Variants in RDH10 observed in about 807,000 individuals in gnomAD.
RDH10 encodes retinol dehydrogenase 10 (all-trans).
Under a neutral mutation model 30.2 loss-of-function variants are expected in RDH10, and 12 were observed. The ratio of observed to expected loss-of-function variants is 0.40; its 90% CI spans 0.25 to 0.64. The LOEUF (loss-of-function observed/expected upper bound fraction) is 0.64. RDH10 is among the 30% of genes least tolerant of loss of function. RDH10 has a pLI of 0.43. For synonymous variants in RDH10, 189 were observed against 172.2 expected, an observed-to-expected ratio of 1.10 and a Z score of -0.76; for missense variants, 268 against 445.2, an observed-to-expected ratio of 0.60 and a Z score of 3.58.
chr8:73,297,125 C>T (rs1227556350), intron 1 of RDH10, 69 bp from the exon 2 acceptor site: 1 of 879,974 alleles, frequency 1.1e-6, no homozygotes, highest in East Asian at 2.5e-5. Context: ...TACTGATCGC[C>T]ATGTGACTCA....
chr8:73,295,657 C>G, intron 1 of RDH10, 79 bp downstream of exon 1: 1 of 1,333,386 alleles, frequency 7.5e-7, no homozygotes, highest in Non-Finnish European at 9.9e-7. Flanking sequence ...GCCCCAAACC[C>G]CGCTGCCTGG....
chr8:73,295,105 G>GC lies in RDH10; in HGVS notation c.-181dup, dbSNP rs1586184498. 1.4e-5 allele frequency: 6 copies of GC among 414,836 alleles called. No individual in the cohort carries two copies. In the East Asian group the frequency reaches 2.5e-4, roughly 17 times the overall value. The allele number at this position is 414,836 out of a possible 1,614,324, so 25.7% of individuals were successfully genotyped here. ...ACAGCGCCGAGCCCGGGCGGGAGTGGCCCCGCGCAGGCAGGGAGCGGCGCC... is the reference window on the plus strand; with the variant it reads ...ACAGCGCCGAGCCCGGGCGGGAGTGGCCCCCGCGCAGGCAGGGAGCGGCGCC... On this transcript the variant is annotated 5_prime_UTR_variant, in exon 1 of 6. Transcript: ENST00000240285.
At chr8:73,306,533 G>A (rs1341125473) in intron 2 of RDH10, among the ~76,000 whole-genome samples, 1 of 152,240 alleles carries the variant, frequency 6.6e-6, no homozygotes, top group African/African-American at 2.4e-5. Context: ...TTTCAACACT[G>A]CAGCAAATGC....
At chr8:73,309,519 C>T (rs994429403) in intron 2 of RDH10, among the ~76,000 whole-genome samples, 15 of 151,366 alleles carry the variant, frequency 9.9e-5, no homozygotes, top group Middle Eastern at 3.5e-3. Flanking sequence ...TATTGTCCTT[C>T]AAAGGTACTT....
intron 2 of RDH10, among the ~76,000 whole-genome samples, chr8:73,317,852 C>T (rs369855977): frequency 6.6e-6 from 1 of 151,782 alleles, no homozygotes; most frequent in African/African-American, 2.4e-5. Flanking sequence ...CCCAGGAGTT[C>T]GAGGCTGCAG....
intron 1 of RDH10, 42 bp downstream of exon 1, chr8:73,295,620 T>C: frequency 6.9e-7 from 1 of 1,439,814 alleles, no homozygotes; most frequent in Non-Finnish European, 9.1e-7. Context: ...GTCAAGCCTC[T>C]TTCCACCCCG....
At chr8:73,300,643 G>T (rs908677160) in intron 2 of RDH10, among the ~76,000 whole-genome samples, 2 of 152,220 alleles carry the variant, frequency 1.3e-5, no homozygotes, top group South Asian at 2.1e-4. Flanking sequence ...CTGACTCAGA[G>T]CAAAAGTGAG....
chr8:73,299,061 G>A (rs773116552), intron 2 of RDH10, among the ~76,000 whole-genome samples: 9 of 152,174 alleles, frequency 5.9e-5, no homozygotes, highest in Non-Finnish European at 1.0e-4. Flanking sequence ...TGATCCGCCC[G>A]CCTCAGTGTC....
chr8:73,295,343 C>A lies in RDH10; in HGVS notation c.54C>A (p.Phe18Leu). Residue 18 changes from phenylalanine to leucine, a missense_variant, in exon 1 of 6, where the codon TTC (phenylalanine) becomes TTA (leucine). Physicochemically the swap from Phe to Leu is conservative, Grantham distance 22. This residue lies in a region of RDH10 where 44 missense variants were observed against 42.1 expected (regional missense o/e 1.04). Transcript: ENST00000240285. ...TCACTTTCAAAGTGCTCTGGGCGTT[C>A]GTGCTGGCCGCGGCGCGCTGGCTGG... ...FVVTFKVLWA[F>L]VLAAARWLVR... is the part of the protein sequence containing the mutation. The A allele has an allele frequency of 6.4e-7, 1 of 1,563,028 alleles. No individual in the cohort carries two copies. Among genetic ancestry groups the A allele is most frequent in the Non-Finnish European group, 8.7e-7 (1 of 1,155,344 alleles).
intron 2 of RDH10, among the ~76,000 whole-genome samples, chr8:73,301,500 G>T (rs1451661436): frequency 2.6e-5 from 4 of 151,726 alleles, no homozygotes. Context: ...GCTCACACCT[G>T]TAATCCCAGC....
rs1464724173 is a variant in RDH10 at position 73,321,987 on chromosome 8, T to C, written c.771-692T>C. On this transcript the variant is annotated intron_variant, in intron 4 of 5. Coordinates refer to ENST00000240285, the MANE Select transcript of RDH10 (RefSeq NM_172037.5). Reference sequence around the variant, plus strand: ...ATGTGTGTGTGTTGGTGGTTTGTTTTGTTTTGTTTTCCTCTTATGTACTTG... The same window carrying C: ...ATGTGTGTGTGTTGGTGGTTTGTTTCGTTTTGTTTTCCTCTTATGTACTTG... The C allele has an allele frequency of 6.6e-6, 3 of 456,278 alleles. No individual in the cohort carries two copies. The Admixed American group carries it at 7.0e-5, about 11-fold the overall frequency. 28.3% of individuals were successfully genotyped at this position (456,278 alleles called of 1,614,324 possible).
intron 2 of RDH10, among the ~76,000 whole-genome samples, chr8:73,314,936 CTGTGCTTTACA>C (rs1217780111): frequency 6.6e-6 from 1 of 152,134 alleles, no homozygotes; most frequent in African/African-American, 2.4e-5. Context: ...ATTGACTCAC[CTGTGCTTTACA>C]GAACAAAACA....
At position 73,320,969 on chromosome 8, in the gene RDH10, A is replaced by AT; in HGVS notation, c.663dup (p.Glu222Ter). 6.2e-7 allele frequency: 1 copy of AT among 1,614,110 alleles called. No homozygotes were observed. The highest frequency in any genetic ancestry group is 2.2e-5 in the East Asian group (1 of 44,876). ...AGTAAATTTGGAGTTGTGGGTTTTC[A>AT]TGAATCCCTGAGCCATGAACTAAAG... On this transcript the variant is annotated frameshift_variant, in exon 4 of 6. Transcript: ENST00000240285. LOFTEE classifies it high-confidence loss of function.
chr8:73,314,378 G>T (rs982283783), intron 2 of RDH10, among the ~76,000 whole-genome samples: 1 of 152,132 alleles, frequency 6.6e-6, no homozygotes, highest in African/African-American at 2.4e-5. Flanking sequence ...CATTTTTCTT[G>T]CAAAGTATGG....
chr8:73,295,359 C>T lies in RDH10; in HGVS notation c.70C>T (p.Arg24Cys). The T allele has an allele frequency of 1.9e-6, 3 of 1,560,238 alleles. No homozygotes were observed. Among genetic ancestry groups the T allele is most frequent in the Non-Finnish European group, 2.6e-6 (3 of 1,153,856 alleles). The part of the protein sequence containing the change: ...VLWAFVLAAA[R>C]WLVRPKEKSV... ...CTGGGCGTTCGTGCTGGCCGCGGCG[C>T]GCTGGCTGGTGCGGCCCAAGGAGAA... The change falls in exon 1 of 6, where the codon CGC becomes TGC. Residue 24 changes from arginine to cysteine, a missense_variant. Physicochemically the swap from Arg to Cys is radical, Grantham distance 180. Around this residue, in one of 4 missense-constraint regions of RDH10, gnomAD observed 44 missense variants for 42.1 expected, o/e 1.04. Transcript: ENST00000240285.
At chr8:73,303,389 A>G (rs1388849551) in intron 2 of RDH10, among the ~76,000 whole-genome samples, 4 of 152,230 alleles carry the variant, frequency 2.6e-5, no homozygotes, top group African/African-American at 4.8e-5. Flanking sequence ...GAATTTCAAA[A>G]ATCATTTCTA....
intron 2 of RDH10, chr8:73,311,489 GA>G (rs1814562810): frequency 6.6e-6 from 1 of 152,166 alleles, no homozygotes; most frequent in South Asian, 2.1e-4. Flanking sequence ...TGTCATCATC[GA>G]GGTGTTCATT....
At chr8:73,301,932 C>T (rs1262733158) in intron 2 of RDH10, among the ~76,000 whole-genome samples, 3 of 152,178 alleles carry the variant, frequency 2.0e-5, no homozygotes, top group South Asian at 2.1e-4. Context: ...GAACTCTGCT[C>T]ATTGGTGTGA....
At chr8:73,301,818 G>A (rs1209305629) in intron 2 of RDH10, among the ~76,000 whole-genome samples, 2 of 152,174 alleles carry the variant, frequency 1.3e-5, no homozygotes, top group African/African-American at 4.8e-5. Context: ...TTGCAAACCA[G>A]GGCTGTCTCA....
Sources: allele counts gnomAD v4.1 joint callset (sites outside exome capture counted in the v4.1 genomes callset), GRCh38; gene constraint gnomAD v4.1.1; regional missense constraint gnomAD v4.1.1; transcripts MANE v1.5; gene names NCBI Gene and HGNC (gene_info 2026-07-23, HGNC 2026-07-21).